NREP: variants seen among roughly 807,000 people sequenced by gnomAD.
NREP encodes neuronal regeneration-related protein.
In NREP, 5 loss-of-function variants were observed where a neutral mutation model predicts 8.6. That is an observed-to-expected ratio of 0.58 (90% CI 0.30 to 1.22). NREP has a LOEUF of 1.22. NREP is among the 50% of genes most tolerant of loss of function. The probability of loss-of-function intolerance (pLI) is 0.07; values close to 1 mark genes in which losing one functional copy is unlikely to be tolerated. For synonymous variants in NREP, 27 were observed against 28.0 expected (o/e 0.96, Z 0.11); for missense variants, 86 against 82.5 (o/e 1.04, Z -0.17).
At chr5:111,969,236 A>G (rs1756733566) in intron 2 of NREP, among the ~76,000 whole-genome samples, 1 of 152,246 alleles carries the variant, frequency 6.6e-6, no homozygotes. Context: ...TACAGATTTC[A>G]AGATGCTGAG....
At chr5:111,933,659 C>A (rs1037066913) in intron 2 of NREP, among the ~76,000 whole-genome samples, 2 of 152,056 alleles carry the variant, frequency 1.3e-5, no homozygotes, top group Non-Finnish European at 2.9e-5. Flanking sequence ...TGAGGGATTT[C>A]TTGTCTACAG....
intron 2 of NREP, among the ~76,000 whole-genome samples, chr5:111,882,543 T>C (rs1409554241): frequency 6.6e-6 from 1 of 151,948 alleles, no homozygotes; most frequent in African/African-American, 2.4e-5. Flanking sequence ...TTCACCAAAG[T>C]TGAAATGAAG....
intron 2 of NREP, among the ~76,000 whole-genome samples, chr5:111,807,752 A>G (rs959822038): frequency 6.6e-6 from 1 of 152,208 alleles, no homozygotes; most frequent in Non-Finnish European, 1.5e-5. Context: ...TTCCACAGAA[A>G]ATGTCTCAGC....
chr5:111,955,015 G>A (rs984903253), intron 2 of NREP, among the ~76,000 whole-genome samples: 1 of 152,140 alleles, frequency 6.6e-6, no homozygotes, highest in Non-Finnish European at 1.5e-5. Context: ...GATGCATGAG[G>A]AAGAAGGCTA....
chr5:111,862,917 G>C (rs900215052), intron 2 of NREP, among the ~76,000 whole-genome samples: 1 of 150,446 alleles, frequency 6.6e-6, no homozygotes, highest in South Asian at 2.1e-4. Context: ...GAGGAGGTTT[G>C]CTGAGGTGAG....
At chr5:111,899,744 G>T (rs1360439839) in intron 2 of NREP, among the ~76,000 whole-genome samples, 1 of 152,046 alleles carries the variant, frequency 6.6e-6, no homozygotes, top group East Asian at 1.9e-4. Context: ...TTTAAAATGG[G>T]AAAAACATAT....
intron 2 of NREP, among the ~76,000 whole-genome samples, chr5:111,877,020 G>C (rs1421188048): frequency 6.6e-6 from 1 of 152,102 alleles, no homozygotes; most frequent in Non-Finnish European, 1.5e-5. Flanking sequence ...AACATATTTT[G>C]TATGACTTAA....
intron 3 of NREP, chr5:111,734,921 C>T (rs1279258369): frequency 2.3e-6 from 1 of 435,202 alleles, no homozygotes; most frequent in Non-Finnish European, 4.0e-6. Context: ...TTTCTTGAGG[C>T]AGAGAACTGC....
chr5:111,899,211 A>G (rs1754584425), intron 2 of NREP, among the ~76,000 whole-genome samples: 2 of 152,226 alleles, frequency 1.3e-5, no homozygotes, highest in African/African-American at 4.8e-5. Flanking sequence ...TTTTATTGCT[A>G]CAAAATAACC....
chr5:111,936,787 C>T (rs1233935859), intron 2 of NREP, among the ~76,000 whole-genome samples: 2 of 152,038 alleles, frequency 1.3e-5, no homozygotes, highest in Non-Finnish European at 2.9e-5. Flanking sequence ...GAAAAGTAAT[C>T]GTAACACAGC....
At chr5:111,840,396 C>CA (rs1651892537) in intron 2 of NREP, among the ~76,000 whole-genome samples, 1 of 152,038 alleles carries the variant, frequency 6.6e-6, no homozygotes, top group Admixed American at 6.6e-5. Flanking sequence ...CTACAGCTAC[C>CA]ATAGCCATTA....
At chr5:111,735,564 T>C in intron 2 of NREP, 57 bp from the exon 3 acceptor site, 2 of 1,265,888 alleles carry the variant, frequency 1.6e-6, no homozygotes, top group Non-Finnish European at 2.3e-6. Flanking sequence ...ACTCTGAAAC[T>C]ACACGGGATA....
At chr5:111,946,105 A>C (rs1225817628) in intron 2 of NREP, among the ~76,000 whole-genome samples, 6 of 124,400 alleles carry the variant, frequency 4.8e-5, no homozygotes, top group Non-Finnish European at 5.2e-5. Context: ...CACACACATA[A>C]GAAAATAAAT....
At chr5:111,731,111 G>A in intron 3 of NREP, 65 bp from the exon 4 acceptor site, 1 of 1,576,000 alleles carries the variant, frequency 6.3e-7, no homozygotes, top group African/African-American at 1.4e-5. Context: ...TCATGCTTCT[G>A]AAACCATTTT....
At chr5:111,885,082 T>C (rs1278608150) in intron 2 of NREP, among the ~76,000 whole-genome samples, 3 of 152,144 alleles carry the variant, frequency 2.0e-5, no homozygotes, top group East Asian at 3.8e-4. Context: ...AACCCCATTG[T>C]CTCAGCCCAA....
At chr5:111,956,332 A>G (rs553457825) in intron 2 of NREP, among the ~76,000 whole-genome samples, 15 of 152,288 alleles carry the variant, frequency 9.8e-5, no homozygotes, top group South Asian at 2.1e-4. Flanking sequence ...TAAAAGGTGT[A>G]TATTTAAAGT....
At chr5:111,754,876 A>G (rs1372183653) in intron 2 of NREP, among the ~76,000 whole-genome samples, 3 of 152,238 alleles carry the variant, frequency 2.0e-5, no homozygotes, top group Admixed American at 6.5e-5. Flanking sequence ...TTGATTCATT[A>G]AATTCCACCC....
chr5:111,755,665 TGTA>T, intron 2 of NREP, 102 bp downstream of exon 2: 5 of 1,250,988 alleles, frequency 4.0e-6, no homozygotes, highest in Non-Finnish European at 5.9e-6. Context: ...TCAGATGGGG[TGTA>T]GAACAATGAA....
chr5:111,904,883 C>T (rs1381298156), intron 2 of NREP, among the ~76,000 whole-genome samples: 1 of 152,080 alleles, frequency 6.6e-6, no homozygotes, highest in Non-Finnish European at 1.5e-5. Context: ...ATCTGTCTCT[C>T]AGGCTCATTC....
Sources: gnomAD v4.1 joint callset for allele counts (sites outside exome capture counted in the v4.1 genomes callset) on GRCh38, gnomAD v4.1.1 for gene constraint, MANE v1.5 for transcripts, NCBI Gene and HGNC (gene_info 2026-07-23, HGNC 2026-07-21) for gene names.